IGF2BP3: variants seen among roughly 807,000 people sequenced by gnomAD.
IGF2BP3 encodes insulin-like growth factor 2 mRNA-binding protein 3.
In IGF2BP3, 9 loss-of-function variants were observed where a neutral mutation model predicts 73.8. That is an observed-to-expected ratio of 0.12 (90% CI 0.07 to 0.21). IGF2BP3 has a LOEUF of 0.21. IGF2BP3 is among the 10% of genes least tolerant of loss of function. The pLI, the probability that IGF2BP3 is intolerant of heterozygous loss-of-function variation, is 1.00. For missense variants in IGF2BP3, 542 were observed against 714.0 expected, an observed-to-expected ratio of 0.76 and a Z score of 2.75; for synonymous variants, 258 against 256.7, an observed-to-expected ratio of 1.01 and a Z score of -0.05.
At chr7:23,370,927 C>T (rs1162497373) in intron 3 of IGF2BP3, among the ~76,000 whole-genome samples, 7 of 152,130 alleles carry the variant, frequency 4.6e-5, no homozygotes, top group African/African-American at 1.4e-4. Context: ...GATGTGCCCA[C>T]CTCGGCCTCC....
intron 12 of IGF2BP3, among the ~76,000 whole-genome samples, chr7:23,316,696 A>AG (rs1182834802): frequency 2.7e-5 from 4 of 146,216 alleles, no homozygotes; most frequent in East Asian, 4.0e-4. Context: ...AAAAAAAAAG[A>AG]GAAAAAAAAA....
At chr7:23,417,731 CT>C (rs1562740689) in intron 3 of IGF2BP3, among the ~76,000 whole-genome samples, 2 of 152,140 alleles carry the variant, frequency 1.3e-5, no homozygotes, top group Non-Finnish European at 2.9e-5. Flanking sequence ...ACTTGAGGAC[CT>C]ATCCCACAAG....
intron 2 of IGF2BP3, among the ~76,000 whole-genome samples, chr7:23,437,503 A>C (rs1267703494): frequency 1.3e-5 from 2 of 151,866 alleles, no homozygotes; most frequent in African/African-American, 2.4e-5. Flanking sequence ...TAAATAAATA[A>C]ATAAATAAAT....
intron 5 of IGF2BP3, among the ~76,000 whole-genome samples, chr7:23,356,174 C>A (rs983134775): frequency 1.3e-5 from 2 of 152,162 alleles, no homozygotes; most frequent in Non-Finnish European, 2.9e-5. Context: ...TAAATAACCA[C>A]GTTATCCTCC....
chr7:23,431,693 AAT>A (rs1414236110), intron 2 of IGF2BP3, among the ~76,000 whole-genome samples: 3 of 152,206 alleles, frequency 2.0e-5, no homozygotes, highest in African/African-American at 7.2e-5. Flanking sequence ...GATGTCCTTC[AAT>A]TATGGTCCGA....
intron 3 of IGF2BP3, among the ~76,000 whole-genome samples, chr7:23,381,125 A>T (rs1270662141): frequency 1.3e-5 from 2 of 152,226 alleles, no homozygotes; most frequent in African/African-American, 4.8e-5. Context: ...CCCACACAGC[A>T]ATGGAGAAAT....
At chr7:23,419,381 T>C (rs1215656223) in intron 2 of IGF2BP3, among the ~76,000 whole-genome samples, 1 of 152,246 alleles carries the variant, frequency 6.6e-6, no homozygotes, top group Non-Finnish European at 1.5e-5. Context: ...GATATTTTCA[T>C]ACCACATTAG....
chr7:23,378,570 T>G (rs1193401571), intron 3 of IGF2BP3, among the ~76,000 whole-genome samples: 2 of 25,394 alleles, frequency 7.9e-5, no homozygotes, highest in African/African-American at 2.5e-4. Flanking sequence ...TTTTTGCTTG[T>G]TTTTTTTTTT....
intron 10 of IGF2BP3, among the ~76,000 whole-genome samples, chr7:23,335,266 A>T (rs940703572): frequency 4.1e-5 from 6 of 147,968 alleles, no homozygotes; most frequent in African/African-American, 7.5e-5. Context: ...CATCTGATTT[A>T]AAAAATTCCT....
intron 3 of IGF2BP3, among the ~76,000 whole-genome samples, chr7:23,396,787 G>T (rs1786488994): frequency 6.6e-6 from 1 of 152,176 alleles, no homozygotes; most frequent in South Asian, 2.1e-4. Context: ...GGTTGAGGAA[G>T]TAAAGTACTT....
Position 23,345,976 on chromosome 7 carries a change from A to AT in IGF2BP3, c.904dup (p.Ile302AsnfsTer2). 1.2e-6 allele frequency: 2 copies of AT among 1,613,452 alleles called. No homozygotes were observed. Among genetic ancestry groups the AT allele is most frequent in the Non-Finnish European group, 8.5e-7 (1 of 1,179,996 alleles). On this transcript the variant is annotated frameshift_variant, in exon 8 of 15. Transcript: ENST00000258729. LOFTEE classifies it high-confidence loss of function. The stretch of plus-strand genomic sequence containing the variant: ...GATTTTAGTGTCTGTGTCTTGCTCA[A>AT]TTTTTTTAAGATTTCTTCCTTCTTT...
chr7:23,418,709 C>T (rs541750620), intron 3 of IGF2BP3, 67 bp downstream of exon 3: 1 of 1,043,818 alleles, frequency 9.6e-7, no homozygotes. Flanking sequence ...GGAGAAAAAG[C>T]TTTGAAAAAA....
chr7:23,346,170 C>A (rs1414140361), intron 7 of IGF2BP3, 108 bp from the exon 8 acceptor site: 2 of 1,285,008 alleles, frequency 1.6e-6, no homozygotes, highest in Non-Finnish European at 2.1e-6. Flanking sequence ...ATCTGGGAAG[C>A]ACTGTGTTAG....
chr7:23,343,384 G>T (rs1461181599), intron 9 of IGF2BP3, among the ~76,000 whole-genome samples: 1 of 152,160 alleles, frequency 6.6e-6, no homozygotes, highest in African/African-American at 2.4e-5. Flanking sequence ...TTCAAATCCA[G>T]TTCATGTAAC....
chr7:23,361,723 C>G lies in IGF2BP3; in HGVS notation c.304G>C (p.Val102Leu), dbSNP rs1171706041. ...LQWEVLDSLL[V>L]QYGVVESCEQ... ...CAGCTCTCCACCACTCCATACTGGA[C>G]TAGTAAACTATCCAGCACCTATCAG... The change falls in exon 4 of 15, where the codon GTC (valine) becomes CTC (leucine). Residue 102 changes from valine to leucine, a missense_variant. Physicochemically the swap from Val to Leu is conservative, Grantham distance 32 (BLOSUM62 1). Around this residue, in one of 2 missense-constraint regions of IGF2BP3, gnomAD observed 239 missense variants for 241.9 expected, o/e 0.99. Transcript: ENST00000258729. 1 of 1,613,722 alleles carries G rather than the reference C, an allele frequency of 6.2e-7. No homozygotes were observed. Among genetic ancestry groups the G allele is most frequent in the Admixed American group, 1.7e-5 (1 of 60,000 alleles).
chr7:23,463,291 C>A (rs1406812796), intron 2 of IGF2BP3, among the ~76,000 whole-genome samples: 1 of 152,196 alleles, frequency 6.6e-6, no homozygotes, highest in Non-Finnish European at 1.5e-5. Flanking sequence ...GACAGCTTCA[C>A]TTTAATACAA....
intron 3 of IGF2BP3, chr7:23,396,528 A>C (rs1786471011): frequency 6.1e-6 from 1 of 163,024 alleles, no homozygotes; most frequent in Admixed American, 5.8e-5. Flanking sequence ...AAAAAAAAAT[A>C]CATGAGATAA....
intron 5 of IGF2BP3, among the ~76,000 whole-genome samples, chr7:23,356,333 G>A (rs1438763118): frequency 6.6e-6 from 1 of 152,112 alleles, no homozygotes; most frequent in Non-Finnish European, 1.5e-5. Context: ...CAAGGAGGGA[G>A]GATCACTTGA....
chr7:23,354,142 C>A (rs1265139850), intron 5 of IGF2BP3, among the ~76,000 whole-genome samples: 1 of 152,106 alleles, frequency 6.6e-6, no homozygotes, highest in East Asian at 1.9e-4. Flanking sequence ...TACAGGCGCA[C>A]GCCACCACCC....
Sources: gnomAD v4.1 joint callset for allele counts (sites outside exome capture counted in the v4.1 genomes callset) on GRCh38, gnomAD v4.1.1 for gene constraint, gnomAD v4.1.1 regional missense constraint, MANE v1.5 for transcripts, NCBI Gene and HGNC (gene_info 2026-07-23, HGNC 2026-07-21) for gene names.